The following DST variants were observed in gnomAD, a reference collection of about 807,000 sequenced individuals.
The protein encoded by DST is dystonin.
Under a neutral mutation model 875.2 loss-of-function variants are expected in DST, and 253 were observed. That is an observed-to-expected ratio of 0.29 (90% CI 0.26 to 0.32). The LOEUF is 0.32. DST is among the 10% of genes least tolerant of loss of function. The pLI, the probability that DST is intolerant of heterozygous loss-of-function variation, is 1.00. For missense variants in DST, 8,287 were observed against 9,111.6 expected (o/e 0.91, Z 3.68); for synonymous variants, 3,124 against 3,197.1 (o/e 0.98, Z 0.77).
chr6:56,505,201 A>T (rs2096271192), intron 77 of DST, among the ~76,000 whole-genome samples: 1 of 152,156 alleles, frequency 6.6e-6, no homozygotes, highest in Non-Finnish European at 1.5e-5. Flanking sequence ...CTACTTAATA[A>T]ATCAATCTGC....
At chr6:56,525,979 C>T (rs572639533) in intron 69 of DST, among the ~76,000 whole-genome samples, 1 of 152,338 alleles carries the variant, frequency 6.6e-6, no homozygotes, top group Non-Finnish European at 1.5e-5. Context: ...ACAGTTAATA[C>T]TGACTTACAT....
intron 4 of DST, among the ~76,000 whole-genome samples, chr6:56,737,209 TAAC>T (rs2152931900): frequency 4.6e-5 from 7 of 152,064 alleles, no homozygotes; most frequent in African/African-American, 1.7e-4. Context: ...AATAATAAAA[TAAC>T]AATAAAAATG....
intron 4 of DST, among the ~76,000 whole-genome samples, chr6:56,813,630 T>C (rs1042497164): frequency 6.6e-6 from 1 of 152,144 alleles, no homozygotes; most frequent in African/African-American, 2.4e-5. Flanking sequence ...AATTGAAATA[T>C]AAATTTGAGA....
intron 5 of DST, among the ~76,000 whole-genome samples, chr6:56,711,901 CT>C (rs1301011633): frequency 6.6e-6 from 1 of 151,688 alleles, no homozygotes; most frequent in Non-Finnish European, 1.5e-5. Context: ...ACCATCCCGG[CT>C]AAAACGGTGA....
At chr6:56,585,086 G>T (rs1352774078) in intron 49 of DST, among the ~76,000 whole-genome samples, 2 of 150,370 alleles carry the variant, frequency 1.3e-5, no homozygotes, top group African/African-American at 2.5e-5. Flanking sequence ...CCGGCTTTGG[G>T]ATCAGGATGA....
rs199548754 is a variant in DST, at chr6:56,482,825, C to T, written c.21260G>A (p.Arg7087His). The T allele has an allele frequency of 9.4e-5, 152 of 1,612,530 alleles. No homozygotes were observed. Among genetic ancestry groups the T allele is most frequent in the Middle Eastern group, 1.6e-4 (1 of 6,078 alleles). The change falls in exon 89 of 104, where the codon CGC (arginine) becomes CAC (histidine). Residue 7087 changes from arginine to histidine, a missense_variant. This residue lies in a region of DST where 1,292 missense variants were observed against 1,552.7 expected (regional missense o/e 0.83). Coordinates refer to ENST00000680361, the MANE Select transcript of DST (RefSeq NM_001374736.1). The part of the protein sequence containing the change: ...KRTSSVQALK[R>H]SARELIEGSR... ...GCCTTCTATGAGTTCTCGGGCTGAG[C>T]GCTTCAGGGCCTGCACACTGCTGGT...
intron 5 of DST, among the ~76,000 whole-genome samples, chr6:56,728,170 A>C (rs1000630509): frequency 1.1e-4 from 17 of 152,352 alleles, no homozygotes; most frequent in African/African-American, 3.8e-4. Context: ...TGGTGTTCTT[A>C]ATTTGAAAAG....
intron 36 of DST, chr6:56,615,568 T>A (rs753997120): frequency 6.2e-7 from 1 of 1,614,132 alleles, no homozygotes; most frequent in South Asian, 1.1e-5. Context: ...GCTCAGATAC[T>A]TCTAACAGTT....
At chr6:56,675,360 A>G (rs1379775076) in intron 9 of DST, among the ~76,000 whole-genome samples, 1 of 152,196 alleles carries the variant, frequency 6.6e-6, no homozygotes, top group Non-Finnish European at 1.5e-5. Flanking sequence ...GATTTTTTGG[A>G]TATGACTCCA....
At chr6:56,904,991 C>T (rs1410933221) in intron 2 of DST, among the ~76,000 whole-genome samples, 1 of 152,130 alleles carries the variant, frequency 6.6e-6, no homozygotes, top group African/African-American at 2.4e-5. Context: ...GGTTTCACCA[C>T]ATTGGCCAGT....
chr6:56,782,273 G>T (rs1309050630), intron 4 of DST, among the ~76,000 whole-genome samples: 1 of 152,134 alleles, frequency 6.6e-6, no homozygotes, highest in East Asian at 1.9e-4. Context: ...TTTTTCTATT[G>T]ATTGGACTAG....
chr6:56,651,019 G>T lies in DST; in HGVS notation c.1341C>A (p.Ser447=), dbSNP rs777903521. 2 of 1,610,546 alleles carry T rather than the reference G, an allele frequency of 1.2e-6. No individual in the cohort carries two copies. Among genetic ancestry groups the T allele is most frequent in the South Asian group, 2.2e-5 (2 of 90,870 alleles). Residue 447 remains serine, a synonymous_variant, in exon 12 of 104, where the codon TCC becomes TCA. Coordinates refer to ENST00000680361, the MANE Select transcript of DST (RefSeq NM_001374736.1). ...RLLDPEDVDV[S]SPDEKSVITY... is the part of the protein sequence containing the mutation. ...TTATTACTGATTTTTCATCAGGTGA[G>T]GAGACATCGACATCTAAAAACAGCA... is the stretch of plus-strand genomic sequence containing the variant.
intron 49 of DST, among the ~76,000 whole-genome samples, chr6:56,581,504 C>T (rs369367291): frequency 9.9e-5 from 15 of 152,050 alleles, no homozygotes; most frequent in East Asian, 3.8e-4. Flanking sequence ...GCAGTCCCCG[C>T]GTATCTCTGA....
At chr6:56,471,768 C>A in intron 94 of DST, 2 of 450,630 alleles carry the variant, frequency 4.4e-6, no homozygotes, top group South Asian at 4.5e-5. Context: ...GCATCACCAG[C>A]AAACATTATG....
At chr6:56,935,994 A>G (rs13205191) in intron 2 of DST, among the ~76,000 whole-genome samples, 7,821 of 152,282 alleles carry the variant, frequency 0.051, 338 homozygotes, top group East Asian at 0.16. Flanking sequence ...AAACTTTTCC[A>G]AAATGAATAA....
intron 5 of DST, among the ~76,000 whole-genome samples, chr6:56,719,670 G>T (rs914051737): frequency 6.6e-6 from 1 of 152,166 alleles, no homozygotes; most frequent in African/African-American, 2.4e-5. Flanking sequence ...TTTCACGTAG[G>T]TTCTTTTCTA....
At chr6:56,674,627 T>C (rs1361366839) in intron 9 of DST, among the ~76,000 whole-genome samples, 1 of 152,090 alleles carries the variant, frequency 6.6e-6, no homozygotes, top group Non-Finnish European at 1.5e-5. Flanking sequence ...ACTTACATAA[T>C]AACAACAACC....
chr6:56,621,533 A>G (rs1288250700), intron 36 of DST, among the ~76,000 whole-genome samples: 1 of 152,212 alleles, frequency 6.6e-6, no homozygotes, highest in Non-Finnish European at 1.5e-5. Context: ...CTCCATAAAT[A>G]TAAAGATATT....
At chr6:56,931,500 C>T (rs1221149223) in intron 2 of DST, among the ~76,000 whole-genome samples, 5 of 152,140 alleles carry the variant, frequency 3.3e-5, no homozygotes, top group Non-Finnish European at 7.3e-5. Flanking sequence ...AGAGGGCCAC[C>T]GACCTCCAGA....
Sources: allele counts gnomAD v4.1 joint callset (sites outside exome capture counted in the v4.1 genomes callset), GRCh38; gene constraint gnomAD v4.1.1; regional missense constraint gnomAD v4.1.1; transcripts MANE v1.5; gene names NCBI Gene and HGNC (gene_info 2026-07-23, HGNC 2026-07-21).